EPB41L4A: variants seen among roughly 807,000 people sequenced by gnomAD.
EPB41L4A encodes the protein band 4.1-like protein 4A.
In EPB41L4A, 100 loss-of-function variants were observed where a neutral mutation model predicts 108.6. That is an observed-to-expected ratio of 0.92 (90% CI 0.78 to 1.09). EPB41L4A has a LOEUF of 1.09. Ranked by LOEUF, EPB41L4A falls within the 50% of genes least tolerant of loss-of-function variation. The pLI, the probability that EPB41L4A is intolerant of heterozygous loss-of-function variation, is 0.00. For missense variants in EPB41L4A, 1,030 were observed against 842.7 expected (o/e 1.22, Z -2.75); for synonymous variants, 319 against 289.0 (o/e 1.10, Z -1.05).
intron 2 of EPB41L4A, among the ~76,000 whole-genome samples, chr5:112,289,086 G>T (rs1477577406): frequency 1.3e-5 from 2 of 152,120 alleles, no homozygotes; most frequent in Non-Finnish European, 2.9e-5. Context: ...CTATCAAAAG[G>T]TATAATGTAG....
At chr5:112,188,801 C>T (rs377283503) in intron 17 of EPB41L4A, among the ~76,000 whole-genome samples, 71 of 152,216 alleles carry the variant, frequency 4.7e-4, no homozygotes, top group Non-Finnish European at 5.0e-4. Flanking sequence ...GAAGAAATGC[C>T]CATCAGTTTA....
chr5:112,239,000 T>G (rs545292200), intron 11 of EPB41L4A, among the ~76,000 whole-genome samples: 1 of 152,148 alleles, frequency 6.6e-6, no homozygotes, highest in Non-Finnish European at 1.5e-5. Context: ...AAACATGAGC[T>G]CTGCAGCTAG....
At chr5:112,241,051 C>T (rs1270194877) in intron 9 of EPB41L4A, among the ~76,000 whole-genome samples, 1 of 152,058 alleles carries the variant, frequency 6.6e-6, no homozygotes, top group Non-Finnish European at 1.5e-5. Flanking sequence ...TTTTACATTG[C>T]CCCATGACAA....
chr5:112,396,943 T>C (rs1761393837), intron 1 of EPB41L4A, among the ~76,000 whole-genome samples: 1 of 152,234 alleles, frequency 6.6e-6, no homozygotes, highest in South Asian at 2.1e-4. Context: ...TAAAATATTA[T>C]TTTATTTTAA....
At chr5:112,269,404 C>T (rs1273841717) in intron 4 of EPB41L4A, among the ~76,000 whole-genome samples, 2 of 151,996 alleles carry the variant, frequency 1.3e-5, no homozygotes, top group East Asian at 1.9e-4. Flanking sequence ...CATTTTATAG[C>T]GTCTCAGGGC....
intron 12 of EPB41L4A, among the ~76,000 whole-genome samples, chr5:112,154,541 T>A (rs1026289721): frequency 6.6e-6 from 1 of 152,208 alleles, no homozygotes; most frequent in Non-Finnish European, 1.5e-5. Context: ...ATAATTTACA[T>A]GACTCTTCTA....
At chr5:112,356,421 A>T (rs939440273) in intron 1 of EPB41L4A, among the ~76,000 whole-genome samples, 1 of 152,224 alleles carries the variant, frequency 6.6e-6, no homozygotes, top group African/African-American at 2.4e-5. Context: ...GGATTAACAC[A>T]AACCCATTCA....
In EPB41L4A at chr5:112,275,480, A is replaced by G. The variant is rs550437179; in HGVS notation, c.257-76T>C. Reference sequence around the variant, plus strand: ...AGTTACAGTATAATATTATACAGCTATTTACAATTACACTCCAAGATTGTC... The same window carrying G: ...AGTTACAGTATAATATTATACAGCTGTTTACAATTACACTCCAAGATTGTC... On this transcript the variant is annotated intron_variant, in intron 3 of 22. Coordinates refer to ENST00000261486, the MANE Select transcript of EPB41L4A (RefSeq NM_022140.5). The G allele has an allele frequency of 1.7e-4, 229 of 1,387,732 alleles. No individual in the cohort carries two copies. In the African/African-American group the frequency reaches 2.9e-3, roughly 18 times the overall value. 86.0% of individuals were successfully genotyped at this position (1,387,732 alleles called of 1,614,324 possible). A position where few individuals can be genotyped will look rare whatever the true frequency, so the allele number is the denominator to read the frequency against.
intron 9 of EPB41L4A, among the ~76,000 whole-genome samples, chr5:112,241,761 G>A (rs1230321591): frequency 6.6e-6 from 1 of 152,166 alleles, no homozygotes; most frequent in African/African-American, 2.4e-5. Context: ...TGTGGATGCT[G>A]AGGAACAACT....
downstream of EPB41L4A, chr5:112,161,557 G>A (rs775033407): frequency 1.9e-6 from 1 of 519,214 alleles, no homozygotes; most frequent in Non-Finnish European, 3.8e-6. Flanking sequence ...TAAACGCTTT[G>A]CAGCCTTTTC....
At chr5:112,287,273 CA>C in intron 2 of EPB41L4A, among the ~76,000 whole-genome samples, 1 of 152,108 alleles carries the variant, frequency 6.6e-6, no homozygotes, top group East Asian at 1.9e-4. Flanking sequence ...TCTACCCCCT[CA>C]AAAAAAATTG....
rs533290114 is a variant in EPB41L4A, at chr5:112,396,367, T to C, written c.99+22574A>G. Among the ~76,000 whole-genome samples, 52 of 152,374 alleles carry C rather than the reference T, an allele frequency of 3.4e-4. 2 individuals are homozygous for C. The South Asian group carries it at 9.3e-3, about 27-fold the overall frequency. On this transcript the variant is annotated intron_variant, in intron 1 of 22. Transcript: ENST00000261486. ...ATACTCAGTTTTAGACTATGTCATATTGAGTTTTTACTTCAGTTTTAAATG... is the reference window on the plus strand; with the variant it reads ...ATACTCAGTTTTAGACTATGTCATACTGAGTTTTTACTTCAGTTTTAAATG...
At chr5:112,317,329 A>G (rs1271614149) in intron 1 of EPB41L4A, among the ~76,000 whole-genome samples, 1 of 152,218 alleles carries the variant, frequency 6.6e-6, no homozygotes, top group African/African-American at 2.4e-5. Flanking sequence ...GTTTCATTTA[A>G]TCTCTACAAG....
chr5:112,293,856 GA>G (rs768125786), intron 2 of EPB41L4A, among the ~76,000 whole-genome samples: 4 of 152,266 alleles, frequency 2.6e-5, no homozygotes, highest in Admixed American at 6.5e-5. Context: ...ACTCTAAACA[GA>G]AAATGTTCCA....
At chr5:112,225,653 G>C (rs55935245) in intron 12 of EPB41L4A, among the ~76,000 whole-genome samples, 62 of 152,270 alleles carry the variant, frequency 4.1e-4, no homozygotes, top group South Asian at 8.3e-4. Context: ...TATCCTGCCT[G>C]CAAGTATTAT....
At chr5:112,269,957 G>A (rs1330886335) in intron 4 of EPB41L4A, among the ~76,000 whole-genome samples, 1 of 152,124 alleles carries the variant, frequency 6.6e-6, no homozygotes, top group African/African-American at 2.4e-5. Flanking sequence ...ACCACCACCA[G>A]CACAACACGA....
At chr5:112,391,108 G>C (rs560446047) in intron 1 of EPB41L4A, among the ~76,000 whole-genome samples, 5 of 152,194 alleles carry the variant, frequency 3.3e-5, no homozygotes, top group Non-Finnish European at 7.3e-5. Context: ...AAACCACAAA[G>C]ATGGGGAGAA....
chr5:112,354,964 T>A (rs1397236708), intron 1 of EPB41L4A, among the ~76,000 whole-genome samples: 2 of 152,214 alleles, frequency 1.3e-5, no homozygotes, highest in Non-Finnish European at 1.5e-5. Flanking sequence ...TTATCTGATT[T>A]TTTTTAAAGT....
At chr5:112,355,411 A>G (rs981757396) in intron 1 of EPB41L4A, among the ~76,000 whole-genome samples, 4 of 152,202 alleles carry the variant, frequency 2.6e-5, no homozygotes, top group African/African-American at 9.7e-5. Flanking sequence ...TGAGAAAAAG[A>G]AACACCTATA....
Sources: allele counts gnomAD v4.1 joint callset (sites outside exome capture counted in the v4.1 genomes callset), GRCh38; gene constraint gnomAD v4.1.1; transcripts MANE v1.5; gene names NCBI Gene and HGNC (gene_info 2026-07-23, HGNC 2026-07-21).